The following LSAMP variants were observed in gnomAD, a reference collection of about 807,000 sequenced individuals.
LSAMP encodes the protein limbic system associated membrane protein, also known as limbic system-associated membrane protein.
In LSAMP, 7 loss-of-function variants were observed where a neutral mutation model predicts 38.6. That is an observed-to-expected ratio of 0.18 (90% confidence interval 0.10 to 0.34). The LOEUF (loss-of-function observed/expected upper bound fraction) is 0.34. Ranked by LOEUF, LSAMP falls within the 10% of genes least tolerant of loss-of-function variation. The pLI, the probability that LSAMP is intolerant of heterozygous loss-of-function variation, is 1.00. For missense variants in LSAMP, 313 were observed against 420.0 expected (o/e 0.75, Z 2.23); for synonymous variants, 154 against 166.8 (o/e 0.92, Z 0.59).
rs555635975 is a variant in LSAMP, at chr3:116,087,487, CA to C, written c.156-932del. Among the ~76,000 whole-genome samples, 23 of 152,132 alleles carry C rather than the reference CA, an allele frequency of 1.5e-4. 1 individual carries two copies. The South Asian group carries it at 4.2e-3, about 27-fold the overall frequency. ...GGAAAAATCTAGCAGAAAACAAAAA[CA>C]AAAAAACCTTCTGTCTGCATCCCTG... On this transcript the variant is annotated intron_variant, in intron 1 of 6. Coordinates refer to ENST00000490035, the MANE Select transcript of LSAMP (RefSeq NM_002338.5).
chr3:116,377,866 A>C (rs772553956), intron 1 of LSAMP, among the ~76,000 whole-genome samples: 85 of 152,166 alleles, frequency 5.6e-4, no homozygotes, highest in Non-Finnish European at 1.0e-3. Flanking sequence ...AGACAGAAAT[A>C]CATACAGTTG....
At chr3:116,411,439 T>A (rs964248196) in intron 1 of LSAMP, among the ~76,000 whole-genome samples, 1 of 151,628 alleles carries the variant, frequency 6.6e-6, no homozygotes, top group Non-Finnish European at 1.5e-5. Flanking sequence ...TGGAATACTA[T>A]GCAGCCATAA....
chr3:115,975,466 A>T (rs1939158533), intron 3 of LSAMP, among the ~76,000 whole-genome samples: 2 of 152,200 alleles, frequency 1.3e-5, no homozygotes, highest in South Asian at 2.1e-4. Flanking sequence ...AGACAACAAG[A>T]AAAAGCAAAG....
intron 1 of LSAMP, among the ~76,000 whole-genome samples, chr3:116,292,934 G>C (rs2047286893): frequency 6.6e-6 from 1 of 152,136 alleles, no homozygotes; most frequent in Non-Finnish European, 1.5e-5. Context: ...TCCTGTGGGA[G>C]GGTTACCTCT....
intron 1 of LSAMP, among the ~76,000 whole-genome samples, chr3:116,147,290 T>C (rs754531010): frequency 6.6e-6 from 1 of 151,884 alleles, no homozygotes; most frequent in African/African-American, 2.4e-5. Context: ...AATATTCCCA[T>C]ACAATCCATT....
At chr3:116,430,452 ATGTTTTTATTTT>A (rs1194004629) in intron 1 of LSAMP, among the ~76,000 whole-genome samples, 1 of 152,142 alleles carries the variant, frequency 6.6e-6, no homozygotes. Flanking sequence ...CTCCATAAAG[ATGTTTTTATTTT>A]TGTTTTTATT....
chr3:116,295,048 G>A (rs1251651878), intron 1 of LSAMP, among the ~76,000 whole-genome samples: 1 of 152,148 alleles, frequency 6.6e-6, no homozygotes, highest in Non-Finnish European at 1.5e-5. Context: ...GGGGGTATAA[G>A]AATGCCCCTG....
intron 6 of LSAMP, among the ~76,000 whole-genome samples, chr3:115,818,708 T>A: frequency 7.0e-6 from 1 of 143,494 alleles, no homozygotes; most frequent in East Asian, 2.1e-4. Context: ...AACAAGTAAG[T>A]CATGGCATTG....
chr3:115,906,978 C>G (rs2222110), intron 3 of LSAMP, among the ~76,000 whole-genome samples: 1 of 152,108 alleles, frequency 6.6e-6, no homozygotes, highest in African/African-American at 2.4e-5. Context: ...TCCTAATAAC[C>G]TAATGTTAGT....
At chr3:116,061,224 G>C (rs1939661456) in intron 2 of LSAMP, among the ~76,000 whole-genome samples, 1 of 152,146 alleles carries the variant, frequency 6.6e-6, no homozygotes, top group South Asian at 2.1e-4. Context: ...AGCAGAGTCA[G>C]CATTTGAATC....
At chr3:115,939,581 T>G (rs187418559) in intron 3 of LSAMP, among the ~76,000 whole-genome samples, 41 of 150,756 alleles carry the variant, frequency 2.7e-4, no homozygotes, top group African/African-American at 1.0e-3. Context: ...TCTTTCTTTC[T>G]TTCTGTTAAG....
intron 3 of LSAMP, among the ~76,000 whole-genome samples, chr3:115,904,760 T>A (rs961674217): frequency 9.2e-5 from 14 of 152,164 alleles, no homozygotes; most frequent in African/African-American, 2.9e-4. Context: ...TCATTTCATC[T>A]CTGCCTACCT....
intron 4 of LSAMP, among the ~76,000 whole-genome samples, chr3:115,848,416 C>A (rs532174835): frequency 1.3e-5 from 2 of 152,220 alleles, no homozygotes; most frequent in African/African-American, 4.8e-5. Context: ...AGGGTGAGAC[C>A]CTGTCTCAAA....
intron 1 of LSAMP, among the ~76,000 whole-genome samples, chr3:116,354,873 G>A (rs1213379670): frequency 6.6e-6 from 1 of 151,702 alleles, no homozygotes; most frequent in Non-Finnish European, 1.5e-5. Context: ...GTGTGTGTGT[G>A]TGTGTGCATG....
intron 3 of LSAMP, among the ~76,000 whole-genome samples, chr3:115,885,531 T>C (rs946268559): frequency 1.3e-5 from 2 of 151,158 alleles, no homozygotes; most frequent in African/African-American, 4.9e-5. Context: ...AGAGGTAAGT[T>C]TAATATCAGC....
intron 2 of LSAMP, among the ~76,000 whole-genome samples, chr3:116,066,141 C>T (rs1707422424): frequency 6.6e-6 from 1 of 152,110 alleles, no homozygotes; most frequent in Non-Finnish European, 1.5e-5. Flanking sequence ...GACCCACTTC[C>T]TGGTTCATAG....
At chr3:116,219,843 C>CAT (rs935336401) in intron 1 of LSAMP, among the ~76,000 whole-genome samples, 47 of 152,136 alleles carry the variant, frequency 3.1e-4, no homozygotes, top group African/African-American at 1.0e-3. Flanking sequence ...ATAAAAATGA[C>CAT]ATATATATAA....
At chr3:116,291,218 G>A (rs146535885) in intron 1 of LSAMP, among the ~76,000 whole-genome samples, 166 of 152,218 alleles carry the variant, frequency 1.1e-3, no homozygotes, top group African/African-American at 3.8e-3. Context: ...TATATGGATA[G>A]GTGAATTGGA....
At chr3:116,425,851 A>G (rs1185499251) in intron 1 of LSAMP, among the ~76,000 whole-genome samples, 2 of 145,458 alleles carry the variant, frequency 1.4e-5, no homozygotes, top group African/African-American at 2.5e-5. Context: ...AATAGATGGG[A>G]AAAAAACCAT....
Sources: gnomAD v4.1 joint callset for allele counts (sites outside exome capture counted in the v4.1 genomes callset) on GRCh38, gnomAD v4.1.1 for gene constraint, MANE v1.5 for transcripts, NCBI Gene and HGNC (gene_info 2026-07-23, HGNC 2026-07-21) for gene names.